The following CSMD3 variants were observed in gnomAD, a reference collection of about 807,000 sequenced individuals.
CSMD3 encodes CUB and Sushi multiple domains 3.
Under a neutral mutation model 435.2 loss-of-function variants are expected in CSMD3, and 177 were observed. That is an observed-to-expected ratio of 0.41 (90% CI 0.36 to 0.46). CSMD3 has a LOEUF of 0.46. CSMD3 is among the 20% of genes least tolerant of loss of function. CSMD3 has a pLI of 0.34. For synonymous variants in CSMD3, 1,656 were observed against 1,520.5 expected (o/e 1.09, Z -2.07); for missense variants, 4,265 against 4,504.6 (o/e 0.95, Z 1.52).
At chr8:112,989,134 G>T (rs900161920) in intron 6 of CSMD3, among the ~76,000 whole-genome samples, 2 of 151,900 alleles carry the variant, frequency 1.3e-5, no homozygotes, top group Admixed American at 1.3e-4. Flanking sequence ...ATTCAAATGG[G>T]AGACAAAAAG....
intron 18 of CSMD3, among the ~76,000 whole-genome samples, chr8:112,651,609 C>A (rs930790780): frequency 6.6e-6 from 1 of 151,008 alleles, no homozygotes; most frequent in African/African-American, 2.4e-5. Context: ...GTGATCTCGG[C>A]TCACTGTGAC....
At chr8:112,599,982 C>T (rs1421150073) in intron 22 of CSMD3, among the ~76,000 whole-genome samples, 1 of 150,004 alleles carries the variant, frequency 6.7e-6, no homozygotes, top group East Asian at 2.0e-4. Flanking sequence ...AACTAACCTG[C>T]ACAATGTGCA....
chr8:112,610,320 A>T (rs1436399364), intron 22 of CSMD3, among the ~76,000 whole-genome samples: 1 of 149,320 alleles, frequency 6.7e-6, no homozygotes, highest in East Asian at 2.0e-4. Flanking sequence ...ATTATACCTC[A>T]GTAAAGCTAA....
At chr8:112,376,258 T>C (rs1351327583) in intron 38 of CSMD3, among the ~76,000 whole-genome samples, 1 of 152,194 alleles carries the variant, frequency 6.6e-6, no homozygotes, top group Non-Finnish European at 1.5e-5. Context: ...CTGTGACATG[T>C]CTATCTTCAC....
At chr8:112,822,977 A>T (rs2079569930) in intron 12 of CSMD3, among the ~76,000 whole-genome samples, 1 of 152,136 alleles carries the variant, frequency 6.6e-6, no homozygotes, top group Non-Finnish European at 1.5e-5. Flanking sequence ...TATCCCGGGG[A>T]TGAAGCTGAC....
chr8:112,666,624 A>T (rs1317853707), intron 16 of CSMD3, among the ~76,000 whole-genome samples: 1 of 152,202 alleles, frequency 6.6e-6, no homozygotes, highest in Admixed American at 6.6e-5. Context: ...AATATGAAAT[A>T]GCTACATTTA....
intron 10 of CSMD3, among the ~76,000 whole-genome samples, chr8:112,863,885 A>G (rs1211963510): frequency 6.6e-6 from 1 of 152,118 alleles, no homozygotes; most frequent in African/African-American, 2.4e-5. Flanking sequence ...AAACCTTGTA[A>G]ATAAACCAAT....
chr8:113,008,790 T>A (rs1057050343), intron 6 of CSMD3, among the ~76,000 whole-genome samples: 1 of 151,426 alleles, frequency 6.6e-6, no homozygotes, highest in African/African-American at 2.4e-5. Context: ...GAGAAAGCAA[T>A]AATTACAGTG....
chr8:113,047,875 T>A (rs1198962961), intron 5 of CSMD3, among the ~76,000 whole-genome samples: 3 of 152,118 alleles, frequency 2.0e-5, no homozygotes, highest in African/African-American at 7.2e-5. Context: ...TATTAAAGAA[T>A]CCGTAACTAA....
At position 113,006,940 on chromosome 8, in the gene CSMD3, T is replaced by C. The variant is rs150485786; in HGVS notation, c.1030+12127A>G. ...GCTTAAATGTCAGGACCAGAGAACA[T>C]GTAGCCATCTTAGGTCTTAGGCCTG... On this transcript the variant is annotated intron_variant, in intron 6 of 70. Transcript: ENST00000297405. 1.7e-3 allele frequency among the ~76,000 whole-genome samples: 266 copies of C among 152,092 alleles called. 1 individual carries two copies. The highest frequency in any genetic ancestry group is 6.1e-3 in the African/African-American group (254 of 41,540).
chr8:112,412,344 G>T (rs1052233376), intron 32 of CSMD3, among the ~76,000 whole-genome samples: 1 of 110,030 alleles, frequency 9.1e-6, no homozygotes, highest in African/African-American at 3.8e-5. Context: ...TATGCCTTTT[G>T]CATGATTAAC....
At chr8:112,767,755 T>C (rs2078015040) in intron 13 of CSMD3, among the ~76,000 whole-genome samples, 1 of 151,798 alleles carries the variant, frequency 6.6e-6, no homozygotes, top group African/African-American at 2.4e-5. Flanking sequence ...CCTAATTTTA[T>C]CATTAATATC....
rs768560106 is a variant in CSMD3, at chr8:112,556,806, T to C, written c.4191A>G (p.Thr1397=). 2.5e-5 allele frequency: 41 copies of C among 1,612,420 alleles called. No homozygotes were observed. The Admixed American group carries it at 3.0e-4, about 12-fold the overall frequency. ...LHGSSLLKCM[T]GERRAWDYPL... is the part of the protein sequence containing the mutation. Reference sequence around the variant, plus strand: ...GATAGTCCCATGCCCTTCTCTCCCCTGTCATGCACTTGAGAAGGCTACTTC... The same window carrying C: ...GATAGTCCCATGCCCTTCTCTCCCCCGTCATGCACTTGAGAAGGCTACTTC... Residue 1397 remains threonine, a synonymous_variant, in exon 25 of 71, where the codon ACA becomes ACG. Coordinates refer to ENST00000297405, the MANE Select transcript of CSMD3 (RefSeq NM_198123.2).
chr8:112,926,531 C>T (rs557897037), intron 9 of CSMD3, among the ~76,000 whole-genome samples: 30 of 152,202 alleles, frequency 2.0e-4, no homozygotes, highest in African/African-American at 7.0e-4. Flanking sequence ...CTAGAGTTGA[C>T]CTTCTCATGA....
chr8:113,203,469 A>G (rs181266215), intron 3 of CSMD3, among the ~76,000 whole-genome samples: 27 of 151,490 alleles, frequency 1.8e-4, no homozygotes, highest in African/African-American at 5.6e-4. Flanking sequence ...ATGGAGCCTC[A>G]CTTTGTTGTC....
At chr8:113,043,690 C>G (rs530673732) in intron 5 of CSMD3, among the ~76,000 whole-genome samples, 3 of 152,148 alleles carry the variant, frequency 2.0e-5, no homozygotes, top group African/African-American at 7.2e-5. Flanking sequence ...TAGTGAAAGT[C>G]TGAACCCATA....
In CSMD3 at chr8:112,318,863, A is replaced by C; in HGVS notation, c.7334T>G (p.Met2445Arg). 1 of 1,612,302 alleles carries C rather than the reference A, an allele frequency of 6.2e-7. No individual in the cohort carries two copies. Among genetic ancestry groups the C allele is most frequent in the Non-Finnish European group, 8.5e-7 (1 of 1,179,090 alleles). ...TTGACAAACTGGAGGTGCTCCATCC[A>C]TCTGCAGTCGTTCTCCTAATCTGCA... is the stretch of plus-strand genomic sequence containing the variant. ...LTCRLGERLQMDGAPPVCQVL... is the reference protein window; with the variant it reads ...LTCRLGERLQRDGAPPVCQVL... The change falls in exon 47 of 71, where the codon ATG becomes AGG. Residue 2445 changes from methionine (M) to arginine (R), a missense_variant. Physicochemically the swap from Met to Arg is moderately conservative, Grantham distance 91. Around this residue, in one of 3 missense-constraint regions of CSMD3, gnomAD observed 3,255 missense variants for 3,380.2 expected, o/e 0.96. Transcript: ENST00000297405.
chr8:112,909,379 T>C (rs2082345580), intron 10 of CSMD3, among the ~76,000 whole-genome samples: 1 of 151,634 alleles, frequency 6.6e-6, no homozygotes. Flanking sequence ...GCCTTAACAA[T>C]GTAACAGAAG....
chr8:112,906,488 T>G (rs2082267158), intron 10 of CSMD3, among the ~76,000 whole-genome samples: 1 of 151,488 alleles, frequency 6.6e-6, no homozygotes, highest in Admixed American at 6.6e-5. Flanking sequence ...CTCTAATAAT[T>G]GGAAAAGGAG....
Sources: gnomAD v4.1 joint callset for allele counts (sites outside exome capture counted in the v4.1 genomes callset) on GRCh38, gnomAD v4.1.1 for gene constraint, gnomAD v4.1.1 regional missense constraint, MANE v1.5 for transcripts, NCBI Gene and HGNC (gene_info 2026-07-23, HGNC 2026-07-21) for gene names.